TCF4: variants seen among roughly 807,000 people sequenced by gnomAD.
The protein encoded by TCF4 is SL3-3 enhancer factor 2.
TCF4 carries 3 observed loss-of-function variants against 82.1 expected under a neutral mutation model. The observed-to-expected ratio is 0.04, with a 90% CI of 0.02 to 0.09. The LOEUF is 0.09. TCF4 is among the 10% of genes least tolerant of loss of function. The probability of loss-of-function intolerance (pLI) is 1.00; values close to 1 mark genes in which losing one functional copy is unlikely to be tolerated. For missense variants in TCF4, 518 were observed against 852.7 expected, an observed-to-expected ratio of 0.61 and a Z score of 4.89; for synonymous variants, 276 against 309.6, an observed-to-expected ratio of 0.89 and a Z score of 1.14.
intron 8 of TCF4, among the ~76,000 whole-genome samples, chr18:55,295,263 C>T (rs2066188645): frequency 6.6e-6 from 1 of 152,226 alleles, no homozygotes; most frequent in Non-Finnish European, 1.5e-5. Flanking sequence ...ATCTCCCAGG[C>T]TGCAGGTGTG....
At chr18:55,552,136 T>C (rs1301471744) in intron 3 of TCF4, among the ~76,000 whole-genome samples, 1 of 152,220 alleles carries the variant, frequency 6.6e-6, no homozygotes, top group Non-Finnish European at 1.5e-5. Flanking sequence ...CATCTAGGAT[T>C]GCTTTTGGTC....
intron 15 of TCF4, among the ~76,000 whole-genome samples, chr18:55,243,784 G>A (rs2052133236): frequency 6.6e-6 from 1 of 152,110 alleles, no homozygotes; most frequent in South Asian, 2.1e-4. Context: ...TTAGAGTCAG[G>A]TTGGAGAACA....
rs115039389 is a variant in TCF4, at chr18:55,227,584, T to G, written c.*451A>C. 6.6e-6 allele frequency: 1 copy of G among 152,468 alleles called. No homozygotes were observed. Among genetic ancestry groups the G allele is most frequent in the African/African-American group, 2.4e-5 (1 of 41,516 alleles). The allele number at this position is 152,468 out of a possible 1,614,324, so 9.4% of individuals were successfully genotyped here. ...ACTTGAATACCAACAAAAACGTTCATGTAGTTTTCTTCAGAAGTACACTTT... is the reference window on the plus strand; with the variant it reads ...ACTTGAATACCAACAAAAACGTTCAGGTAGTTTTCTTCAGAAGTACACTTT... On this transcript the variant is annotated 3_prime_UTR_variant, in exon 20 of 20. Transcript: ENST00000354452.
intron 2 of TCF4, among the ~76,000 whole-genome samples, chr18:55,611,478 C>A (rs1047082630): frequency 6.6e-6 from 1 of 152,124 alleles, no homozygotes; most frequent in Non-Finnish European, 1.5e-5. Flanking sequence ...CTAGAGCCTT[C>A]CACCCTTTTA....
At position 55,396,271 on chromosome 18, in the gene TCF4, T is replaced by C. The variant is rs940722265; in HGVS notation, c.369+7183A>G. Among the ~76,000 whole-genome samples, 13 of 152,358 alleles carry C rather than the reference T, an allele frequency of 8.5e-5. No individual in the cohort carries two copies. In the East Asian group the frequency reaches 2.3e-3, roughly 27 times the overall value. On this transcript the variant is annotated intron_variant, in intron 6 of 19. Coordinates refer to ENST00000354452, the MANE Select transcript of TCF4 (RefSeq NM_001083962.2). ...TGAAGCAAATGATTTGAGGTCTACT[T>C]GCTTTACTTCTCTGAGCATCCCTTT...
intron 2 of TCF4, among the ~76,000 whole-genome samples, chr18:55,625,011 T>C (rs1184301139): frequency 6.6e-6 from 1 of 152,166 alleles, no homozygotes; most frequent in Admixed American, 6.5e-5. Flanking sequence ...CTACAGATTG[T>C]TTCTAGAAAT....
intron 11 of TCF4, chr18:55,268,160 G>A (rs1014576072): frequency 6.6e-6 from 1 of 151,978 alleles, no homozygotes; most frequent in Non-Finnish European, 1.5e-5. Flanking sequence ...TTTTCAAACA[G>A]AGCCTAAGTA....
intron 2 of TCF4, among the ~76,000 whole-genome samples, chr18:55,596,533 C>T (rs1201840860): frequency 6.6e-6 from 1 of 152,168 alleles, no homozygotes; most frequent in Non-Finnish European, 1.5e-5. Flanking sequence ...CCACATTTTT[C>T]ATATGTCGAC....
chr18:55,391,955 CTTTTTT>C (rs1212656712), intron 6 of TCF4, among the ~76,000 whole-genome samples: 4 of 61,710 alleles, frequency 6.5e-5, no homozygotes, highest in African/African-American at 9.1e-5. Context: ...AAAAAAAAAT[CTTTTTT>C]TTTTTTTTTT....
chr18:55,299,423 C>A (rs1196152605), intron 8 of TCF4, among the ~76,000 whole-genome samples: 1 of 147,876 alleles, frequency 6.8e-6, no homozygotes, highest in Non-Finnish European at 1.5e-5. Flanking sequence ...AAGAAAAAAA[C>A]AAGCTTTCTT....
chr18:55,390,340 T>G (rs1050405845), intron 6 of TCF4, among the ~76,000 whole-genome samples: 1 of 130,788 alleles, frequency 7.6e-6, no homozygotes. Flanking sequence ...TCATAAATAC[T>G]AAGGCCTCAT....
chr18:55,587,855 C>CG (rs1170136886), intron 1 of TCF4, among the ~76,000 whole-genome samples, 183 bp downstream of exon 1: 2 of 6,584 alleles, frequency 3.0e-4, no homozygotes, highest in South Asian at 3.6e-3. Flanking sequence ...AGGGGAGGGG[C>CG]GGGGGGGCTG....
chr18:55,409,251 G>C (rs1169370290), intron 5 of TCF4, among the ~76,000 whole-genome samples: 1 of 152,118 alleles, frequency 6.6e-6, no homozygotes, highest in Non-Finnish European at 1.5e-5. Flanking sequence ...AACCAAAAGG[G>C]AGACTAATTA....
At chr18:55,453,357 A>C (rs1479987371) in intron 5 of TCF4, among the ~76,000 whole-genome samples, 1 of 152,224 alleles carries the variant, frequency 6.6e-6, no homozygotes, top group African/African-American at 2.4e-5. Flanking sequence ...CTAGAATGAG[A>C]AAAATTATTC....
chr18:55,522,864 T>G (rs980845184), intron 3 of TCF4, among the ~76,000 whole-genome samples: 1 of 152,048 alleles, frequency 6.6e-6, no homozygotes, highest in African/African-American at 2.4e-5. Context: ...CAAATTAAAA[T>G]GTACACTACA....
chr18:55,223,777 T>G lies in TCF4; in HGVS notation c.*4258A>C, dbSNP rs190235846. On this transcript the variant is annotated 3_prime_UTR_variant, in exon 20 of 20. Transcript: ENST00000354452. The stretch of plus-strand genomic sequence containing the variant: ...GCTATGTGTACAGTCGCAAAAAATT[T>G]CCCCGCTGCGACCTACAACTAAAAA... 3 of 148,856 alleles carry G rather than the reference T, an allele frequency of 2.0e-5. No individual in the cohort carries two copies. In the East Asian group the frequency reaches 5.8e-4, roughly 29 times the overall value. 9.2% of individuals were successfully genotyped at this position (148,856 alleles called of 1,614,324 possible). A position where few individuals can be genotyped will look rare whatever the true frequency, so the allele number is the denominator to read the frequency against.
At chr18:55,543,050 A>G (rs2097177845) in intron 3 of TCF4, among the ~76,000 whole-genome samples, 1 of 152,104 alleles carries the variant, frequency 6.6e-6, no homozygotes, top group South Asian at 2.1e-4. Context: ...CATTTTACAG[A>G]GGCTCAAAGA....
chr18:55,510,527 A>C (rs1470908373), intron 3 of TCF4: 5 of 1,352,906 alleles, frequency 3.7e-6, no homozygotes, highest in Admixed American at 2.5e-5. Context: ...CGATAGATCA[A>C]ACATTTTAAT....
intron 3 of TCF4, among the ~76,000 whole-genome samples, chr18:55,473,566 T>C (rs1195420501): frequency 6.6e-6 from 1 of 152,184 alleles, no homozygotes; most frequent in African/African-American, 2.4e-5. Flanking sequence ...AACATGGCAA[T>C]CCTTCCACCT....
Sources: gnomAD v4.1 joint callset for allele counts (sites outside exome capture counted in the v4.1 genomes callset) on GRCh38, gnomAD v4.1.1 for gene constraint, MANE v1.5 for transcripts, NCBI Gene and HGNC (gene_info 2026-07-23, HGNC 2026-07-21) for gene names.